Variants in TSC22D1 observed in about 807,000 individuals in gnomAD.
TSC22D1 encodes the protein TSC22 domain family protein 1.
Under a neutral mutation model 74.2 loss-of-function variants are expected in TSC22D1, and 9 were observed. The ratio of observed to expected loss-of-function variants is 0.12; its 90% CI spans 0.07 to 0.21. The LOEUF (loss-of-function observed/expected upper bound fraction) is 0.21. Ranked by LOEUF, TSC22D1 falls within the 10% of genes least tolerant of loss-of-function variation. The probability of loss-of-function intolerance (pLI) is 1.00; values close to 1 mark genes in which losing one functional copy is unlikely to be tolerated. For synonymous variants in TSC22D1, 586 were observed against 492.5 expected (o/e 1.19, Z -2.51); for missense variants, 1,427 against 1,304.7 (o/e 1.09, Z -1.44).
At chr13:44,473,230 C>G (rs1877707063) in intron 1 of TSC22D1, among the ~76,000 whole-genome samples, 1 of 152,218 alleles carries the variant, frequency 6.6e-6, no homozygotes, top group East Asian at 1.9e-4. Flanking sequence ...CACAACGGCA[C>G]AGGCCTGTAA....
At chr13:44,569,733 T>C (rs574106644) in intron 1 of TSC22D1, among the ~76,000 whole-genome samples, 1 of 152,332 alleles carries the variant, frequency 6.6e-6, no homozygotes, top group South Asian at 2.1e-4. Flanking sequence ...AGCAAGTCTT[T>C]TTATTCAGTT....
intron 1 of TSC22D1, among the ~76,000 whole-genome samples, chr13:44,460,925 T>C (rs557778041): frequency 1.3e-5 from 2 of 152,240 alleles, no homozygotes; most frequent in Admixed American, 1.3e-4. Context: ...AACAATGGTT[T>C]TTCTTAGCAG....
chr13:44,496,449 G>A (rs553197817), intron 1 of TSC22D1, among the ~76,000 whole-genome samples: 26 of 152,124 alleles, frequency 1.7e-4, no homozygotes, highest in Non-Finnish European at 3.4e-4. Context: ...TTGGGAGGCC[G>A]AGGCGGGTGG....
At chr13:44,456,203 T>C (rs534862247) in intron 1 of TSC22D1, among the ~76,000 whole-genome samples, 2 of 152,276 alleles carry the variant, frequency 1.3e-5, no homozygotes, top group East Asian at 1.9e-4. Context: ...GCAAGATTTA[T>C]CGCTAACAGT....
Position 44,455,128 on chromosome 13 carries a change from CAAATT to C in TSC22D1, c.2913-19038_2913-19034del, listed in dbSNP as rs542173322. On this transcript the variant is annotated intron_variant, in intron 1 of 2. Coordinates refer to ENST00000458659, the MANE Select transcript of TSC22D1 (RefSeq NM_183422.4). ...GAGATAAGGACAAGTACCCAGGAGA[CAAATT>C]AAAGAACAGAAGCAGGGATATGAAA... Among the ~76,000 whole-genome samples the C allele has an allele frequency of 1.4e-3, 208 of 152,096 alleles. 1 individual carries two copies. The highest frequency in any genetic ancestry group is 4.5e-3 in the African/African-American group (186 of 41,472).
chr13:44,517,827 G>GTATATA (rs1278120734), intron 1 of TSC22D1, among the ~76,000 whole-genome samples: 37 of 24,632 alleles, frequency 1.5e-3, no homozygotes, highest in African/African-American at 3.5e-3. Context: ...GTGTGTGTGT[G>GTATATA]TGTATATATA....
rs1376522496 is a variant in TSC22D1 at position 44,574,983 on chromosome 13, C to G, written c.1092G>C (p.Leu364Phe). 8 of 1,614,096 alleles carry G rather than the reference C, an allele frequency of 5.0e-6. No individual in the cohort carries two copies. Among genetic ancestry groups the G allele is most frequent in the South Asian group, 1.1e-5 (1 of 91,074 alleles). ...GVTSGVNVNI[L>F]SGMGNGTISS... ...AAATAGTACCATTGCCCATGCCACT[C>G]AAGATATTCACATTAACACCACTGG... The change falls in exon 1 of 3, where the codon TTG becomes TTC. Residue 364 changes from leucine to phenylalanine, a missense_variant. By Grantham distance (22) the Leu-to-Phe change is conservative (BLOSUM62 0). Coordinates refer to ENST00000458659, the MANE Select transcript of TSC22D1 (RefSeq NM_183422.4).
chr13:44,512,544 A>AT (rs988716028), intron 1 of TSC22D1, among the ~76,000 whole-genome samples: 3 of 152,224 alleles, frequency 2.0e-5, no homozygotes, highest in African/African-American at 7.2e-5. Context: ...TATATTCCCT[A>AT]TTACTGTGAA....
rs560928872 is a variant in TSC22D1 at position 44,491,282 on chromosome 13, A to G, written c.2913-55187T>C. On this transcript the variant is annotated intron_variant, in intron 1 of 2. Coordinates refer to ENST00000458659, the MANE Select transcript of TSC22D1 (RefSeq NM_183422.4). ...AGATTAGTATCCAGAGGCCGGGCGC[A>G]GTGGCTCACGCCTGTAATCCCAGCA... Among the ~76,000 whole-genome samples, 19 of 152,300 alleles carry G rather than the reference A, an allele frequency of 1.2e-4. No homozygotes were observed. In the East Asian group the frequency reaches 1.4e-3, roughly 11 times the overall value.
intron 1 of TSC22D1, among the ~76,000 whole-genome samples, chr13:44,500,756 C>T (rs1229332509): frequency 6.6e-6 from 1 of 152,188 alleles, no homozygotes; most frequent in Non-Finnish European, 1.5e-5. Context: ...GCAATCATAG[C>T]TCACTGCAGC....
chr13:44,437,274 C>A, intron 1 of TSC22D1: 2 of 985,348 alleles, frequency 2.0e-6, no homozygotes, highest in Non-Finnish European at 2.4e-6. Flanking sequence ...AGCTACTGGG[C>A]ATGCCCAGTC....
intron 1 of TSC22D1, among the ~76,000 whole-genome samples, chr13:44,458,310 G>C (rs996336941): frequency 4.6e-5 from 7 of 152,198 alleles, no homozygotes; most frequent in African/African-American, 1.7e-4. Context: ...ACTGACTTTA[G>C]TGCAGCTTTT....
upstream of TSC22D1, chr13:44,576,397 A>G: frequency 1.5e-5 from 4 of 267,548 alleles, no homozygotes; most frequent in Non-Finnish European, 1.4e-5. Context: ...AGGGAGGGGG[A>G]GAGCGCAGGA....
chr13:44,549,784 A>G (rs1421122424), intron 1 of TSC22D1, among the ~76,000 whole-genome samples: 3 of 151,262 alleles, frequency 2.0e-5, no homozygotes, highest in Non-Finnish European at 3.0e-5. Flanking sequence ...AAGAAAAAAA[A>G]AAAAAAAAAG....
chr13:44,467,261 A>C (rs1230340109), intron 1 of TSC22D1, among the ~76,000 whole-genome samples: 1 of 152,210 alleles, frequency 6.6e-6, no homozygotes, highest in African/African-American at 2.4e-5. Flanking sequence ...GAGATAGATT[A>C]AGGACATGGA....
At chr13:44,436,789 C>T (rs949168949) in intron 1 of TSC22D1, 4 of 1,439,958 alleles carry the variant, frequency 2.8e-6, no homozygotes, top group Non-Finnish European at 3.6e-6. Context: ...TGATCCCAGG[C>T]AGATGCGGAT....
At chr13:44,496,386 A>C (rs1381137158) in intron 1 of TSC22D1, among the ~76,000 whole-genome samples, 1 of 152,148 alleles carries the variant, frequency 6.6e-6, no homozygotes, top group Non-Finnish European at 1.5e-5. Flanking sequence ...ACTTTTTTAA[A>C]AAAATCAGTG....
At chr13:44,527,560 A>G (rs1332632509) in intron 1 of TSC22D1, among the ~76,000 whole-genome samples, 1 of 152,152 alleles carries the variant, frequency 6.6e-6, no homozygotes, top group Non-Finnish European at 1.5e-5. Context: ...CAGAAAATGG[A>G]ATTATTTAAA....
intron 1 of TSC22D1, among the ~76,000 whole-genome samples, chr13:44,554,491 A>T (rs1882492649): frequency 6.6e-6 from 1 of 152,156 alleles, no homozygotes; most frequent in Non-Finnish European, 1.5e-5. Flanking sequence ...GTACTAGACG[A>T]AACTGTTGCA....
Sources: allele counts gnomAD v4.1 joint callset (sites outside exome capture counted in the v4.1 genomes callset), GRCh38; gene constraint gnomAD v4.1.1; transcripts MANE v1.5; gene names NCBI Gene and HGNC (gene_info 2026-07-23, HGNC 2026-07-21).